The following PCDHGA2 variants were observed in gnomAD, a reference collection of about 807,000 sequenced individuals.
The protein encoded by PCDHGA2 is protocadherin gamma subfamily A, 2, also known as protocadherin gamma-A2.
In PCDHGA2, 40 loss-of-function variants were observed where a neutral mutation model predicts 59.2. The observed-to-expected ratio is 0.68, with a 90% CI of 0.52 to 0.88. The LOEUF is 0.88. Ranked by LOEUF, PCDHGA2 falls within the 40% of genes least tolerant of loss-of-function variation. The pLI is 0.00. For missense variants in PCDHGA2, 1,226 were observed against 1,204.0 expected, an observed-to-expected ratio of 1.02 and a Z score of -0.27; for synonymous variants, 560 against 526.0, an observed-to-expected ratio of 1.06 and a Z score of -0.89.
intron 1 of PCDHGA2, chr5:141,352,341 T>C (rs1057492750): frequency 6.2e-7 from 1 of 1,614,076 alleles, no homozygotes; most frequent in Non-Finnish European, 8.5e-7. Context: ...GCCTTGGCCT[T>C]GATCTCAGTG....
At chr5:141,433,246 T>C (rs775015156) in intron 1 of PCDHGA2, 1 of 1,462,358 alleles carries the variant, frequency 6.8e-7, no homozygotes, top group Non-Finnish European at 9.3e-7. Flanking sequence ...CAAGCTGGAA[T>C]GCAGCGGTAC....
rs140609729 is a variant in PCDHGA2 at position 141,372,233 on chromosome 5, G to A, written c.2424+30838G>A. On this transcript the variant is annotated intron_variant, in intron 1 of 3. Coordinates refer to ENST00000394576, the MANE Select transcript of PCDHGA2 (RefSeq NM_018915.4). ...CCTACCACATTGTGCAGGCCAGCGA[G>A]CCCGGGCTGTTCAGCCTGGGCCTGC... 2,947 of 1,613,368 alleles carry A rather than the reference G, an allele frequency of 1.8e-3. 7 individuals carry two copies. The highest frequency in any genetic ancestry group is 2.3e-3 in the Non-Finnish European group (2,745 of 1,179,836).
chr5:141,455,140 A>G (rs1465733732), intron 1 of PCDHGA2, among the ~76,000 whole-genome samples: 1 of 150,512 alleles, frequency 6.6e-6, no homozygotes, highest in Non-Finnish European at 1.5e-5. Context: ...ACACTGTGTT[A>G]AATAAATATT....
chr5:141,342,088 A>G lies in PCDHGA2; in HGVS notation c.2424+693A>G, dbSNP rs140945996. On this transcript the variant is annotated intron_variant, in intron 1 of 3. Coordinates refer to ENST00000394576, the MANE Select transcript of PCDHGA2 (RefSeq NM_018915.4). ...CATCTGCTCTATAATAAAGCTGTAG[A>G]GTGGTAATAAACAGGTTTCTCCTTT... The G allele has an allele frequency of 4.7e-3, 612 of 131,352 alleles. 5 individuals are homozygous for G. Among genetic ancestry groups the G allele is most frequent in the Admixed American group, 0.014 (169 of 12,312 alleles). The allele number at this position is 131,352 out of a possible 1,614,324, so 8.1% of individuals were successfully genotyped here. A position where few individuals can be genotyped will look rare whatever the true frequency, so the allele number is the denominator to read the frequency against.
chr5:141,403,849 G>A, intron 1 of PCDHGA2: 1 of 1,613,560 alleles, frequency 6.2e-7, no homozygotes, highest in East Asian at 2.2e-5. Flanking sequence ...AAAATACTGG[G>A]GAAATATCAA....
rs142995927 is a variant in PCDHGA2, at chr5:141,489,933, C to T, written c.2425-4874C>T. 38 of 1,614,064 alleles carry T rather than the reference C, an allele frequency of 2.4e-5. No homozygotes were observed. The highest frequency in any genetic ancestry group is 1.8e-4 in the South Asian group (16 of 91,084). On this transcript the variant is annotated intron_variant, in intron 1 of 3. Transcript: ENST00000394576. This position sits in a 1 kb window ranked among gnomAD's most constrained non-coding sequence, Gnocchi z 4.5. ...CAGGGACCACCCTTATCTCTGTCAT[C>T]GTGCTGGACATCAATGATAATGCTC...
intron 1 of PCDHGA2, chr5:141,362,286 C>T: frequency 6.2e-7 from 1 of 1,614,082 alleles, no homozygotes; most frequent in Non-Finnish European, 8.5e-7. Flanking sequence ...GCCTGCGACT[C>T]TCTTCCAGGT....
intron 1 of PCDHGA2, chr5:141,383,858 A>C (rs1368399969): frequency 1.2e-6 from 2 of 1,613,996 alleles, no homozygotes. Flanking sequence ...ATGGAGGTTC[A>C]GGCTCAAGAT....
intron 1 of PCDHGA2, among the ~76,000 whole-genome samples, chr5:141,420,710 G>A (rs2096519301): frequency 6.6e-6 from 1 of 152,186 alleles, no homozygotes; most frequent in South Asian, 2.1e-4. Flanking sequence ...TTCCAGAAAT[G>A]TCGTTCCTTT....
At chr5:141,356,435 G>A (rs762543172) in intron 1 of PCDHGA2, 2 of 1,610,734 alleles carry the variant, frequency 1.2e-6, no homozygotes, top group Non-Finnish European at 1.7e-6. Context: ...ACACTGGACA[G>A]GGAAGAAGTC....
intron 1 of PCDHGA2, chr5:141,392,761 A>G (rs1341541753): frequency 1.6e-5 from 24 of 1,476,812 alleles, no homozygotes; most frequent in Non-Finnish European, 2.1e-5. Flanking sequence ...AAACTAAATA[A>G]GACCCATTTA....
rs370603640 is a variant in PCDHGA2, at chr5:141,365,604, T to A, written c.2424+24209T>A. Reference sequence around the variant, plus strand: ...GATTATAATATCACTTTAACCGTCATGGACCATGGAACCCCGCCCCTCTCT... The same window carrying A: ...GATTATAATATCACTTTAACCGTCAAGGACCATGGAACCCCGCCCCTCTCT... On this transcript the variant is annotated intron_variant, in intron 1 of 3. Coordinates refer to ENST00000394576, the MANE Select transcript of PCDHGA2 (RefSeq NM_018915.4). 2.5e-6 allele frequency: 4 copies of A among 1,613,672 alleles called. No individual in the cohort carries two copies. The South Asian group carries it at 4.4e-5, about 18-fold the overall frequency.
rs140916255 is a variant in PCDHGA2, at chr5:141,475,995, C to A, written c.2425-18812C>A. 2,057 of 1,172,604 alleles carry A rather than the reference C, an allele frequency of 1.8e-3. 30 individuals carry two copies. The African/African-American group carries it at 0.027, about 16-fold the overall frequency. 72.6% of individuals were successfully genotyped at this position (1,172,604 alleles called of 1,614,324 possible). ...ACTGAACAGCCGGCGAGCAAATCAA[C>A]GGCATCCAGAAAGCCATGTCGGACT... On this transcript the variant is annotated intron_variant, in intron 1 of 3. Coordinates refer to ENST00000394576, the MANE Select transcript of PCDHGA2 (RefSeq NM_018915.4).
rs561219923 is a variant in PCDHGA2, at chr5:141,357,076, G to T, written c.2424+15681G>T. 18 of 1,613,958 alleles carry T rather than the reference G, an allele frequency of 1.1e-5. No homozygotes were observed. In the East Asian group the frequency reaches 3.6e-4, roughly 32 times the overall value. On this transcript the variant is annotated intron_variant, in intron 1 of 3. Transcript: ENST00000394576. ...TGCAGTGGGGCTGCACACAGGCGAGGTGCGCACCGCACGGGCCCTGCTGGA... is the reference window on the plus strand; with the variant it reads ...TGCAGTGGGGCTGCACACAGGCGAGTTGCGCACCGCACGGGCCCTGCTGGA...
At chr5:141,359,995 T>C in intron 1 of PCDHGA2, 1 of 1,091,948 alleles carries the variant, frequency 9.2e-7, no homozygotes, top group Non-Finnish European at 1.3e-6. Flanking sequence ...GGGAACTTCC[T>C]GCACAAACCA....
At chr5:141,395,198 A>G (rs2093194899) in intron 1 of PCDHGA2, 1 of 1,613,990 alleles carries the variant, frequency 6.2e-7, no homozygotes, top group Non-Finnish European at 8.5e-7. Flanking sequence ...TAACATCCGT[A>G]GATTTTCATG....
chr5:141,389,660 G>A (rs1302432237), intron 1 of PCDHGA2: 4 of 1,612,338 alleles, frequency 2.5e-6, no homozygotes, highest in African/African-American at 2.7e-5. Flanking sequence ...TAGTGGCGGT[G>A]GACGCAGACT....
chr5:141,340,781 C>A lies in PCDHGA2; in HGVS notation c.1810C>A (p.Leu604Met). Residue 604 changes from leucine to methionine, a missense_variant, in exon 1 of 4, where the codon CTG becomes ATG. Leu to Met is a conservative substitution (Grantham distance 15). Transcript: ENST00000394576. ...CAGAGACTCGGGCCAGAACGCCTGGCTGTCTTACCACCTGCTCAAGGCCAG... is the reference window on the plus strand; with the variant it reads ...CAGAGACTCGGGCCAGAACGCCTGGATGTCTTACCACCTGCTCAAGGCCAG... ...VDRDSGQNAW[L>M]SYHLLKASEP... 6.2e-7 allele frequency: 1 copy of A among 1,613,846 alleles called. No individual in the cohort carries two copies. Among genetic ancestry groups the A allele is most frequent in the Non-Finnish European group, 8.5e-7 (1 of 1,180,018 alleles).
rs778172652 is a variant in PCDHGA2, at chr5:141,418,978, C to G, written c.2425-75829C>G. 4 of 1,613,790 alleles carry G rather than the reference C, an allele frequency of 2.5e-6. No individual in the cohort carries two copies. In the South Asian group the frequency reaches 4.4e-5, roughly 18 times the overall value. ...TTGTTGCCCTCTTCAAAACACGGGACCAAGACTCAGGGGAAAATGGGGAAG... is the reference window on the plus strand; with the variant it reads ...TTGTTGCCCTCTTCAAAACACGGGAGCAAGACTCAGGGGAAAATGGGGAAG... On this transcript the variant is annotated intron_variant, in intron 1 of 3. Coordinates refer to ENST00000394576, the MANE Select transcript of PCDHGA2 (RefSeq NM_018915.4).
Sources: gnomAD v4.1 joint callset for allele counts (sites outside exome capture counted in the v4.1 genomes callset) on GRCh38, gnomAD v4.1.1 for gene constraint, Gnocchi (gnomAD v3.1) non-coding constraint, MANE v1.5 for transcripts, NCBI Gene and HGNC (gene_info 2026-07-23, HGNC 2026-07-21) for gene names.